NCOA1: variants seen among roughly 807,000 people sequenced by gnomAD.
NCOA1 encodes the protein Hin-2 protein.
NCOA1 carries 35 observed loss-of-function variants against 150.9 expected under a neutral mutation model. That is an observed-to-expected ratio of 0.23 (90% CI 0.18 to 0.31). NCOA1 has a LOEUF of 0.31. Ranked by LOEUF, NCOA1 falls within the 10% of genes least tolerant of loss-of-function variation. The pLI is 1.00. For missense variants in NCOA1, 1,491 were observed against 1,749.3 expected (o/e 0.85, Z 2.63); for synonymous variants, 590 against 630.0 (o/e 0.94, Z 0.95).
chr2:24,537,701 TA>T (rs1324218541), intron 1 of NCOA1, among the ~76,000 whole-genome samples: 3 of 152,202 alleles, frequency 2.0e-5, no homozygotes, highest in African/African-American at 7.2e-5. Flanking sequence ...TGTATTATGT[TA>T]GGGGTTTTTG....
rs1044506618 is a variant in NCOA1 at position 24,770,153 on chromosome 2, T to C, written c.*1762T>C. 4.3e-6 allele frequency: 1 copy of C among 231,380 alleles called. No individual in the cohort carries two copies. Among genetic ancestry groups the C allele is most frequent in the Non-Finnish European group, 8.6e-6 (1 of 116,686 alleles). 14.3% of individuals were successfully genotyped at this position (231,380 alleles called of 1,614,324 possible). A position where few individuals can be genotyped will look rare whatever the true frequency, so the allele number is the denominator to read the frequency against. ...ACTCAGTTACAAACATTATCTCCTTTAGTTTTTCAGAAAATGCATCCCTGA... is the reference window on the plus strand; with the variant it reads ...ACTCAGTTACAAACATTATCTCCTTCAGTTTTTCAGAAAATGCATCCCTGA... On this transcript the variant is annotated 3_prime_UTR_variant, in exon 23 of 23. Transcript: ENST00000348332.
chr2:24,539,409 C>G (rs1353187418), intron 1 of NCOA1, among the ~76,000 whole-genome samples: 3 of 152,132 alleles, frequency 2.0e-5, no homozygotes, highest in African/African-American at 7.2e-5. Flanking sequence ...CCCATAATTA[C>G]TGAATACTTA....
chr2:24,659,317 CATT>C (rs761843257), intron 5 of NCOA1, among the ~76,000 whole-genome samples: 26 of 151,982 alleles, frequency 1.7e-4, no homozygotes, highest in Non-Finnish European at 3.7e-4. Flanking sequence ...TATCTTAGAA[CATT>C]ATGGCATTAA....
At chr2:24,558,690 T>C (rs1037556369) in intron 1 of NCOA1, among the ~76,000 whole-genome samples, 1 of 152,136 alleles carries the variant, frequency 6.6e-6, no homozygotes, top group African/African-American at 2.4e-5. Context: ...CAGGTTTTTG[T>C]AGAGGGAAAA....
chr2:24,678,310 C>T (rs1672013161), intron 7 of NCOA1, among the ~76,000 whole-genome samples: 1 of 152,066 alleles, frequency 6.6e-6, no homozygotes, highest in South Asian at 2.1e-4. Context: ...TAGGTTGATT[C>T]CAGGCCTTTG....
chr2:24,726,815 A>C, intron 15 of NCOA1, 109 bp downstream of exon 15: 2 of 493,378 alleles, frequency 4.1e-6, no homozygotes, highest in Non-Finnish European at 3.4e-6. Context: ...GTGAGATATT[A>C]ATAGATGTAA....
chr2:24,666,485 A>G (rs150379749), intron 6 of NCOA1, among the ~76,000 whole-genome samples: 136 of 152,288 alleles, frequency 8.9e-4, no homozygotes, highest in African/African-American at 3.0e-3. Flanking sequence ...GGGACTCAGT[A>G]TCATAGGGGA....
intron 4 of NCOA1, among the ~76,000 whole-genome samples, chr2:24,651,634 C>G (rs56362172): frequency 0.014 from 2,105 of 151,978 alleles, 49 homozygotes; most frequent in African/African-American, 0.049. Flanking sequence ...ATATAATAAC[C>G]ATTTTACTAC....
chr2:24,553,661 A>G (rs542267792), intron 1 of NCOA1, among the ~76,000 whole-genome samples: 33 of 152,182 alleles, frequency 2.2e-4, no homozygotes, highest in African/African-American at 7.9e-4. Flanking sequence ...TAGGATATAT[A>G]TTTCTTTCAG....
At chr2:24,640,344 A>G (rs892313721) in intron 3 of NCOA1, among the ~76,000 whole-genome samples, 1 of 151,918 alleles carries the variant, frequency 6.6e-6, no homozygotes, top group African/African-American at 2.4e-5. Context: ...GCTAGTCATC[A>G]CTCTTCTTCA....
chr2:24,532,370 A>G (rs1308060958), intron 1 of NCOA1, among the ~76,000 whole-genome samples: 2 of 152,030 alleles, frequency 1.3e-5, no homozygotes, highest in African/African-American at 4.8e-5. Flanking sequence ...TCAGATGGGT[A>G]TATTGCAAAA....
intron 7 of NCOA1, among the ~76,000 whole-genome samples, chr2:24,680,471 C>T (rs545654499): frequency 2.2e-4 from 34 of 152,102 alleles, no homozygotes; most frequent in African/African-American, 7.2e-4. Context: ...AAAAGCCAGA[C>T]GCAGAAAGAC....
At chr2:24,690,099 TCTTA>T (rs1672592505) in intron 8 of NCOA1, among the ~76,000 whole-genome samples, 2 of 152,232 alleles carry the variant, frequency 1.3e-5, no homozygotes. Flanking sequence ...TATCAAGGTA[TCTTA>T]TGTATTTTAT....
chr2:24,645,912 A>G (rs1558869825), intron 4 of NCOA1, among the ~76,000 whole-genome samples: 1 of 152,194 alleles, frequency 6.6e-6, no homozygotes, highest in Non-Finnish European at 1.5e-5. Context: ...ATGTATTATA[A>G]TAAAGAGAAA....
intron 2 of NCOA1, among the ~76,000 whole-genome samples, chr2:24,573,967 G>T (rs1482940184): frequency 1.3e-5 from 2 of 149,502 alleles, no homozygotes; most frequent in Non-Finnish European, 3.0e-5. Flanking sequence ...AAAACAAACG[G>T]ACTCAACAAA....
In NCOA1 at chr2:24,674,300, G is replaced by A. The variant is rs564888336; in HGVS notation, c.354+837G>A. On this transcript the variant is annotated intron_variant, in intron 7 of 22. Transcript: ENST00000348332. ...GGTTCACTGCAAGCTCCGCCTCCCC[G>A]GTTCATGACATTCTCCTGCCTCAGC... Among the ~76,000 whole-genome samples the A allele has an allele frequency of 9.3e-5, 14 of 151,180 alleles. No homozygotes were observed. The East Asian group carries it at 2.5e-3, about 27-fold the overall frequency.
chr2:24,763,537 CAAAAA>C (rs35265100), intron 22 of NCOA1, among the ~76,000 whole-genome samples: 6 of 80,906 alleles, frequency 7.4e-5, no homozygotes, highest in Non-Finnish European at 1.2e-4. Flanking sequence ...GACTCCATCT[CAAAAA>C]AAAAAAAAAA....
intron 3 of NCOA1, among the ~76,000 whole-genome samples, chr2:24,625,576 GCTT>G (rs1669372106): frequency 6.6e-6 from 1 of 151,664 alleles, no homozygotes; most frequent in African/African-American, 2.4e-5. Flanking sequence ...TTTCTTCCTA[GCTT>G]CTTAAGATAG....
intron 3 of NCOA1, among the ~76,000 whole-genome samples, chr2:24,631,771 G>T (rs527572436): frequency 2.0e-5 from 3 of 152,278 alleles, no homozygotes; most frequent in African/African-American, 7.2e-5. Flanking sequence ...TTGGTTGAAA[G>T]CTGGTTCTTT....
Sources: gnomAD v4.1 joint callset for allele counts (sites outside exome capture counted in the v4.1 genomes callset) on GRCh38, gnomAD v4.1.1 for gene constraint, MANE v1.5 for transcripts, NCBI Gene and HGNC (gene_info 2026-07-23, HGNC 2026-07-21) for gene names.